The following ZFAND3 variants were observed in gnomAD, a reference collection of about 807,000 sequenced individuals.
The protein encoded by ZFAND3 is AN1-type zinc finger protein 3.
A neutral mutation model predicts 29.6 loss-of-function variants in ZFAND3; 10 were observed. That is an observed-to-expected ratio of 0.34 (90% CI 0.21 to 0.57). The LOEUF is 0.57. Ranked by LOEUF, ZFAND3 falls within the 20% of genes least tolerant of loss-of-function variation. The pLI is 0.86. For synonymous variants in ZFAND3, 128 were observed against 112.6 expected, an observed-to-expected ratio of 1.14 and a Z score of -0.87; for missense variants, 230 against 304.5, an observed-to-expected ratio of 0.76 and a Z score of 1.82.
At chr6:37,848,209 A>G (rs1764217471) in intron 1 of ZFAND3, among the ~76,000 whole-genome samples, 2 of 152,204 alleles carry the variant, frequency 1.3e-5, no homozygotes, top group Admixed American at 1.3e-4. Flanking sequence ...TTGGGCACTC[A>G]AGTTTTATTT....
chr6:38,128,357 A>G (rs1234532842), intron 5 of ZFAND3, among the ~76,000 whole-genome samples: 4 of 152,262 alleles, frequency 2.6e-5, no homozygotes, highest in East Asian at 1.9e-4. Flanking sequence ...TCCATAGGCT[A>G]TTGGGGAACA....
At chr6:37,864,938 G>T (rs1368094918) in intron 1 of ZFAND3, among the ~76,000 whole-genome samples, 1 of 152,146 alleles carries the variant, frequency 6.6e-6, no homozygotes, top group South Asian at 2.1e-4. Context: ...CCAGCACTTT[G>T]GGAGGCCAAG....
At chr6:38,079,949 T>C (rs1764628165) in intron 3 of ZFAND3, among the ~76,000 whole-genome samples, 1 of 152,030 alleles carries the variant, frequency 6.6e-6, no homozygotes, top group African/African-American at 2.4e-5. Flanking sequence ...GGTTGTTACA[T>C]AGTGTGTATG....
intron 2 of ZFAND3, among the ~76,000 whole-genome samples, chr6:37,931,565 A>C (rs1323161968): frequency 5.3e-5 from 8 of 151,732 alleles, no homozygotes; most frequent in Non-Finnish European, 8.8e-5. Flanking sequence ...ACAAAAAAAA[A>C]ACCAACCAAA....
chr6:37,999,203 A>G (rs988868856), intron 2 of ZFAND3, among the ~76,000 whole-genome samples: 3 of 152,210 alleles, frequency 2.0e-5, no homozygotes, highest in Admixed American at 2.0e-4. Context: ...GCTGGAAGGA[A>G]CTATTTGAAC....
intron 4 of ZFAND3, among the ~76,000 whole-genome samples, chr6:38,109,332 G>A (rs565044808): frequency 1.4e-4 from 22 of 152,108 alleles, no homozygotes; most frequent in Non-Finnish European, 2.6e-4. Flanking sequence ...ACAGGTGTGC[G>A]CCACTACCAG....
intron 4 of ZFAND3, among the ~76,000 whole-genome samples, chr6:38,098,877 AT>A (rs1765036415): frequency 6.6e-6 from 1 of 151,860 alleles, no homozygotes; most frequent in Admixed American, 6.6e-5. Context: ...TTCAATACAT[AT>A]ATATATGTGG....
At chr6:37,910,719 T>C (rs1263560814) in intron 1 of ZFAND3, among the ~76,000 whole-genome samples, 1 of 152,124 alleles carries the variant, frequency 6.6e-6, no homozygotes, top group Non-Finnish European at 1.5e-5. Context: ...GATGAACATA[T>C]CCCCAACCCC....
chr6:38,115,130 C>T (rs943260598), intron 4 of ZFAND3, among the ~76,000 whole-genome samples: 8 of 152,130 alleles, frequency 5.3e-5, no homozygotes, highest in Non-Finnish European at 1.0e-4. Context: ...CTCCATATGC[C>T]AGTACAGTGC....
chr6:37,869,513 A>ATT (rs543408260), intron 1 of ZFAND3, among the ~76,000 whole-genome samples: 2 of 141,362 alleles, frequency 1.4e-5, no homozygotes, highest in African/African-American at 2.6e-5. Context: ...AAGTTTGTTA[A>ATT]TTTTTTTTTT....
intron 2 of ZFAND3, among the ~76,000 whole-genome samples, chr6:38,005,832 T>C (rs1763038981): frequency 6.6e-6 from 1 of 152,218 alleles, no homozygotes; most frequent in Non-Finnish European, 1.5e-5. Flanking sequence ...TGAGTGTTGT[T>C]ATCAATGTAC....
intron 5 of ZFAND3, among the ~76,000 whole-genome samples, chr6:38,139,695 A>G (rs1765910896): frequency 6.6e-6 from 1 of 152,066 alleles, no homozygotes; most frequent in South Asian, 2.1e-4. Flanking sequence ...GCTGGATCTC[A>G]TCATCTCATC....
At chr6:38,057,484 C>T (rs2127462166) in intron 2 of ZFAND3, among the ~76,000 whole-genome samples, 1 of 152,284 alleles carries the variant, frequency 6.6e-6, no homozygotes, top group East Asian at 1.9e-4. Context: ...CTTTTTAATT[C>T]TGTCATTTGT....
chr6:37,882,762 A>G (rs921498672), intron 1 of ZFAND3, among the ~76,000 whole-genome samples: 1 of 152,080 alleles, frequency 6.6e-6, no homozygotes, highest in Non-Finnish European at 1.5e-5. Flanking sequence ...GTAGCTGGCC[A>G]CTTCTTTTGG....
chr6:38,091,792 C>A (rs973210426), intron 4 of ZFAND3, among the ~76,000 whole-genome samples: 1 of 150,956 alleles, frequency 6.6e-6, no homozygotes, highest in Non-Finnish European at 1.5e-5. Context: ...AGGTGGGTGC[C>A]GAAGTGGAAC....
At chr6:37,903,848 T>A (rs1765362359) in intron 1 of ZFAND3, among the ~76,000 whole-genome samples, 1 of 152,200 alleles carries the variant, frequency 6.6e-6, no homozygotes, top group African/African-American at 2.4e-5. Flanking sequence ...CAATAGTCCC[T>A]TTATGAGGTG....
chr6:38,051,395 C>T (rs1403893877), intron 2 of ZFAND3, among the ~76,000 whole-genome samples: 1 of 152,124 alleles, frequency 6.6e-6, no homozygotes, highest in Non-Finnish European at 1.5e-5. Flanking sequence ...ATTCTGTTGT[C>T]ATTGAAGTCT....
chr6:37,901,971 A>G (rs897644157), intron 1 of ZFAND3, among the ~76,000 whole-genome samples: 3 of 152,164 alleles, frequency 2.0e-5, no homozygotes, highest in African/African-American at 7.2e-5. Flanking sequence ...TTGACATGTA[A>G]CACTTGTAGC....
intron 4 of ZFAND3, among the ~76,000 whole-genome samples, chr6:38,103,987 C>A (rs1223333556): frequency 1.3e-5 from 2 of 152,122 alleles, no homozygotes; most frequent in Non-Finnish European, 2.9e-5. Flanking sequence ...ACAATGAGAA[C>A]TGAAAACTTT....
Sources: allele counts gnomAD v4.1 joint callset (sites outside exome capture counted in the v4.1 genomes callset), GRCh38; gene constraint gnomAD v4.1.1; transcripts MANE v1.5; gene names NCBI Gene and HGNC (gene_info 2026-07-23, HGNC 2026-07-21).